INPP4B: variants seen among roughly 807,000 people sequenced by gnomAD.
The protein encoded by INPP4B is inositol polyphosphate-4-phosphatase type II B, also known as inositol polyphosphate 4-phosphatase type II.
Under a neutral mutation model 122.5 loss-of-function variants are expected in INPP4B, and 55 were observed. That is an observed-to-expected ratio of 0.45 (90% confidence interval 0.36 to 0.56). The LOEUF is 0.56. Among genes scored for constraint, INPP4B ranks in the 20% least tolerant of loss-of-function variants. INPP4B has a pLI of 0.00. For missense variants in INPP4B, 1,000 were observed against 1,097.7 expected (o/e 0.91, Z 1.26); for synonymous variants, 403 against 388.7 (o/e 1.04, Z -0.43).
chr4:142,721,681 C>T (rs973415481), intron 2 of INPP4B, among the ~76,000 whole-genome samples: 14 of 151,964 alleles, frequency 9.2e-5, no homozygotes, highest in Admixed American at 4.6e-4. Flanking sequence ...ATTAGCCGGG[C>T]GTGGTAGCGC....
rs550335862 is a variant in INPP4B at position 142,577,719 on chromosome 4, G to A, written c.-190-114993C>T. Among the ~76,000 whole-genome samples the A allele has an allele frequency of 3.9e-5, 6 of 152,070 alleles. No homozygotes were observed. In the South Asian group the frequency reaches 1.2e-3, roughly 32 times the overall value. ...CATTTTTAGAATTGAGTTTGCTTTT[G>A]TGCGTCATATAGAATAGTGCCTTGA... On this transcript the variant is annotated intron_variant, in intron 2 of 25. Coordinates refer to ENST00000262992, the MANE Select transcript of INPP4B (RefSeq NM_001101669.3).
At chr4:142,182,676 A>G (rs1268279860) in intron 15 of INPP4B, among the ~76,000 whole-genome samples, 3 of 152,250 alleles carry the variant, frequency 2.0e-5, no homozygotes, top group African/African-American at 4.8e-5. Context: ...TAATTAAGCA[A>G]TGGAAATGAA....
At chr4:142,765,303 G>T (rs988391542) in intron 1 of INPP4B, among the ~76,000 whole-genome samples, 7 of 152,088 alleles carry the variant, frequency 4.6e-5, no homozygotes, top group Admixed American at 4.6e-4. Context: ...TATAGGTGGG[G>T]GTGGCACTGA....
At chr4:142,591,837 G>C (rs1737572388) in intron 2 of INPP4B, among the ~76,000 whole-genome samples, 1 of 152,092 alleles carries the variant, frequency 6.6e-6, no homozygotes, top group African/African-American at 2.4e-5. Flanking sequence ...TCTACAAAGA[G>C]CCTGACTAAA....
At chr4:142,766,366 G>C (rs1166250053) in intron 1 of INPP4B, among the ~76,000 whole-genome samples, 3 of 151,872 alleles carry the variant, frequency 2.0e-5, no homozygotes, top group Non-Finnish European at 4.4e-5. Flanking sequence ...ACAGCAGAAA[G>C]CATAAGGTGT....
intron 7 of INPP4B, among the ~76,000 whole-genome samples, chr4:142,336,024 A>T (rs1776444795): frequency 6.6e-6 from 1 of 152,184 alleles, no homozygotes; most frequent in African/African-American, 2.4e-5. Context: ...ACCAATCAGC[A>T]TGCATTCCTC....
At chr4:142,581,903 T>G (rs909268471) in intron 2 of INPP4B, among the ~76,000 whole-genome samples, 14 of 152,092 alleles carry the variant, frequency 9.2e-5, no homozygotes, top group Non-Finnish European at 1.9e-4. Flanking sequence ...ATGGCTGGCA[T>G]GAGAGAGGCT....
chr4:142,611,421 G>A (rs1742473852), intron 2 of INPP4B, among the ~76,000 whole-genome samples: 1 of 151,900 alleles, frequency 6.6e-6, no homozygotes. Flanking sequence ...TTTCATGTTT[G>A]TTTGTTTTGT....
At chr4:142,106,009 C>A (rs1016910009) in intron 23 of INPP4B, among the ~76,000 whole-genome samples, 4 of 152,134 alleles carry the variant, frequency 2.6e-5, no homozygotes, top group African/African-American at 7.2e-5. Flanking sequence ...ACCCATATGT[C>A]ATCATAATTG....
At chr4:142,592,001 T>C (rs1396880506) in intron 2 of INPP4B, among the ~76,000 whole-genome samples, 1 of 152,192 alleles carries the variant, frequency 6.6e-6, no homozygotes, top group Non-Finnish European at 1.5e-5. Context: ...GTATGAGCTG[T>C]AGATAAAAAT....
intron 7 of INPP4B, among the ~76,000 whole-genome samples, chr4:142,388,884 T>C (rs1380218224): frequency 2.0e-5 from 3 of 152,112 alleles, no homozygotes; most frequent in African/African-American, 4.8e-5. Flanking sequence ...CTGTGCCTTA[T>C]ATTAGGCTGT....
intron 2 of INPP4B, among the ~76,000 whole-genome samples, chr4:142,635,570 G>A (rs1265903769): frequency 1.3e-5 from 2 of 152,168 alleles, no homozygotes; most frequent in African/African-American, 4.8e-5. Flanking sequence ...CATGGATGGA[G>A]CTAGAGGCTA....
intron 1 of INPP4B, among the ~76,000 whole-genome samples, chr4:142,762,509 T>C (rs1341429886): frequency 6.6e-6 from 1 of 152,180 alleles, no homozygotes; most frequent in Non-Finnish European, 1.5e-5. Flanking sequence ...AGCTCGCTTA[T>C]GGCACATTGC....
chr4:142,840,236 A>C (rs1054096154), intron 1 of INPP4B, among the ~76,000 whole-genome samples: 5 of 152,106 alleles, frequency 3.3e-5, no homozygotes, highest in Non-Finnish European at 7.4e-5. Context: ...GGTAATTTGC[A>C]CTTTTTTTGC....
intron 2 of INPP4B, chr4:142,468,178 T>C (rs1382646560): frequency 6.6e-6 from 1 of 152,182 alleles, no homozygotes; most frequent in African/African-American, 2.4e-5. Context: ...AACATCCTTT[T>C]TATTTTTCTA....
chr4:142,836,541 C>T (rs1379331142), intron 1 of INPP4B, among the ~76,000 whole-genome samples: 2 of 151,916 alleles, frequency 1.3e-5, no homozygotes, highest in South Asian at 4.2e-4. Context: ...AAACGCTTAA[C>T]TATTTTTAAG....
rs1761608959 is a variant in INPP4B at position 142,700,564 on chromosome 4, C to G, written c.-191+25275G>C. On this transcript the variant is annotated intron_variant, in intron 2 of 25. Coordinates refer to ENST00000262992, the MANE Select transcript of INPP4B (RefSeq NM_001101669.3). Reference sequence around the variant, plus strand: ...CTGTTCTAAATTCTATTAACCCCTTCATTCCATCTTTTGGGAAAGAAAAGA... The same window carrying G: ...CTGTTCTAAATTCTATTAACCCCTTGATTCCATCTTTTGGGAAAGAAAAGA... 2.0e-5 allele frequency among the ~76,000 whole-genome samples: 3 copies of G among 152,298 alleles called. No individual in the cohort carries two copies. In the South Asian group the frequency reaches 6.2e-4, roughly 32 times the overall value.
intron 12 of INPP4B, 105 bp from the exon 13 acceptor site, chr4:142,209,131 A>G (rs1035435557): frequency 3.5e-5 from 27 of 776,030 alleles, no homozygotes; most frequent in Non-Finnish European, 5.1e-5. Flanking sequence ...TTTCATCCTA[A>G]TTCCCAGGAA....
intron 9 of INPP4B, among the ~76,000 whole-genome samples, chr4:142,294,632 T>G (rs1757791697): frequency 6.6e-6 from 1 of 151,132 alleles, no homozygotes; most frequent in Admixed American, 6.6e-5. Context: ...TCAAAAAGCA[T>G]GAGAATAGGG....
Sources: allele counts gnomAD v4.1 joint callset (sites outside exome capture counted in the v4.1 genomes callset), GRCh38; gene constraint gnomAD v4.1.1; transcripts MANE v1.5; gene names NCBI Gene and HGNC (gene_info 2026-07-23, HGNC 2026-07-21).